The following CCNYL1 variants were observed in gnomAD, a reference collection of about 807,000 sequenced individuals.
CCNYL1 encodes cyclin Y like 1.
In CCNYL1, 16 loss-of-function variants were observed where a neutral mutation model predicts 44.2. The ratio of observed to expected loss-of-function variants is 0.36; its 90% CI spans 0.25 to 0.55. The LOEUF (loss-of-function observed/expected upper bound fraction) is 0.55, where lower values mean the gene tolerates loss of function less well. Among genes scored for constraint, CCNYL1 ranks in the 20% least tolerant of loss-of-function variants. The pLI is 0.85. For missense variants in CCNYL1, 348 were observed against 451.8 expected (o/e 0.77, Z 2.08); for synonymous variants, 159 against 163.2 (o/e 0.97, Z 0.20).
At chr2:207,734,502 C>T (rs2091750645) in intron 4 of CCNYL1, among the ~76,000 whole-genome samples, 1 of 152,338 alleles carries the variant, frequency 6.6e-6, no homozygotes, top group Middle Eastern at 3.4e-3. Flanking sequence ...CCCTGTCGTG[C>T]ATGAGCACCT....
intron 8 of CCNYL1, among the ~76,000 whole-genome samples, chr2:207,748,037 A>G (rs1425456013): frequency 6.6e-6 from 1 of 152,042 alleles, no homozygotes; most frequent in Non-Finnish European, 1.5e-5. Context: ...GGGCCTCTGG[A>G]CTATTGAGAA....
chr2:207,716,141 C>G (rs1478409032), intron 1 of CCNYL1, among the ~76,000 whole-genome samples: 2 of 152,132 alleles, frequency 1.3e-5, no homozygotes, highest in Non-Finnish European at 2.9e-5. Flanking sequence ...TTTATTAGTA[C>G]TCTTGACTTT....
At chr2:207,736,779 A>G (rs1009931249) in intron 4 of CCNYL1, among the ~76,000 whole-genome samples, 6 of 152,254 alleles carry the variant, frequency 3.9e-5, no homozygotes, top group Non-Finnish European at 5.9e-5. Flanking sequence ...AAATAGTTTA[A>G]ATTTAAGCAT....
Position 207,754,930 on chromosome 2 carries a change from T to G in CCNYL1, c.*1232T>G, listed in dbSNP as rs2091920143. 6.6e-6 allele frequency: 1 copy of G among 152,110 alleles called. No individual in the cohort carries two copies. Among genetic ancestry groups the G allele is most frequent in the Non-Finnish European group, 1.5e-5 (1 of 68,024 alleles). 9.4% of individuals were successfully genotyped at this position (152,110 alleles called of 1,614,324 possible). A position where few individuals can be genotyped will look rare whatever the true frequency, so the allele number is the denominator to read the frequency against. On this transcript the variant is annotated 3_prime_UTR_variant, in exon 10 of 10. Coordinates refer to ENST00000295414, the MANE Select transcript of CCNYL1 (RefSeq NM_001330218.2). ...TGGGTGTGGTGGTGCACGCCTATAG[T>G]CCCAGCTACTTGGGAGGCTGAGGCT...
chr2:207,741,316 G>A (rs1296647208), intron 6 of CCNYL1, among the ~76,000 whole-genome samples: 2 of 151,974 alleles, frequency 1.3e-5, no homozygotes, highest in Admixed American at 6.6e-5. Flanking sequence ...TAAGACTTTC[G>A]AGCCTACAAG....
intron 3 of CCNYL1, among the ~76,000 whole-genome samples, chr2:207,731,582 A>G (rs1055963561): frequency 1.3e-5 from 2 of 152,122 alleles, no homozygotes; most frequent in Admixed American, 6.6e-5. Context: ...GTTGTAAGTC[A>G]GCTTTGGTAA....
intron 6 of CCNYL1, among the ~76,000 whole-genome samples, chr2:207,741,612 C>A (rs553049193): frequency 1.2e-4 from 19 of 152,136 alleles, no homozygotes; most frequent in African/African-American, 4.3e-4. Context: ...TTTGGGAGGC[C>A]GAGGTGGGCA....
intron 3 of CCNYL1, among the ~76,000 whole-genome samples, chr2:207,730,845 C>T (rs1327510909): frequency 6.6e-6 from 1 of 152,120 alleles, no homozygotes; most frequent in Non-Finnish European, 1.5e-5. Context: ...CTGTTGCCTG[C>T]TCCTGTGTAT....
chr2:207,735,934 T>C (rs1399189335), intron 4 of CCNYL1, among the ~76,000 whole-genome samples: 2 of 151,986 alleles, frequency 1.3e-5, no homozygotes, highest in Non-Finnish European at 2.9e-5. Context: ...TCATACCCGA[T>C]GCCAATTAAA....
rs147302428 is a variant in CCNYL1 at position 207,747,907 on chromosome 2, TTTCATTCA to T, written c.806+713_806+720del. 3.3e-5 allele frequency among the ~76,000 whole-genome samples: 5 copies of T among 152,210 alleles called. No individual in the cohort carries two copies. In the East Asian group the frequency reaches 9.6e-4, roughly 29 times the overall value. Reference sequence around the variant, plus strand: ...CTGCCAGTTCAAGCTCCTTTCTCTTTTTCATTCATTCATTCATTCATTCATTTATATCT... The same window carrying T: ...CTGCCAGTTCAAGCTCCTTTCTCTTTTTCATTCATTCATTCATTTATATCT... On this transcript the variant is annotated intron_variant, in intron 8 of 9. Transcript: ENST00000295414.
At chr2:207,753,498 C>G (rs2091909861) in intron 9 of CCNYL1, 90 bp from the exon 10 acceptor site, 1 of 822,192 alleles carries the variant, frequency 1.2e-6, no homozygotes, top group Non-Finnish European at 2.1e-6. Flanking sequence ...CTAAAGGAGT[C>G]CACATGTGTG....
At chr2:207,744,992 G>T (rs999070220) in intron 7 of CCNYL1, among the ~76,000 whole-genome samples, 1 of 152,192 alleles carries the variant, frequency 6.6e-6, no homozygotes, top group African/African-American at 2.4e-5. Flanking sequence ...TATTAGGGAA[G>T]ACTTGGGGAG....
At chr2:207,736,381 T>A (rs2091764777) in intron 4 of CCNYL1, among the ~76,000 whole-genome samples, 1 of 152,232 alleles carries the variant, frequency 6.6e-6, no homozygotes, top group African/African-American at 2.4e-5. Context: ...AGACAACTCC[T>A]TGTTTCCTGA....
Position 207,711,786 on chromosome 2 carries a change from G to T in CCNYL1, c.-111G>T, listed in dbSNP as rs1000652874. 5 of 678,488 alleles carry T rather than the reference G, an allele frequency of 7.4e-6. No individual in the cohort carries two copies. The highest frequency in any genetic ancestry group is 4.2e-5 in the South Asian group (1 of 23,948). The allele number at this position is 678,488 out of a possible 1,614,324, so 42.0% of individuals were successfully genotyped here. On this transcript the variant is annotated 5_prime_UTR_variant, in exon 1 of 10. Transcript: ENST00000295414. Reference sequence around the variant, plus strand: ...GCTTGCGCGGTGCAGCCCCAGCGTAGCCCGGGGCTGCCGGTGCCGGCCGCG... The same window carrying T: ...GCTTGCGCGGTGCAGCCCCAGCGTATCCCGGGGCTGCCGGTGCCGGCCGCG...
chr2:207,724,669 T>C, intron 1 of CCNYL1, 131 bp from the exon 2 acceptor site: 1 of 676,544 alleles, frequency 1.5e-6, no homozygotes, highest in Non-Finnish European at 2.6e-6. Flanking sequence ...ATTGTCTTTA[T>C]TTCCTTTATA....
intron 3 of CCNYL1, among the ~76,000 whole-genome samples, chr2:207,731,927 GGCCTCCCGA>G (rs2091731752): frequency 6.6e-6 from 1 of 150,770 alleles, no homozygotes. Flanking sequence ...CTCTTGCCTC[GGCCTCCCGA>G]GTAGTTGGGA....
At chr2:207,714,066 A>G (rs1575206177) in intron 1 of CCNYL1, among the ~76,000 whole-genome samples, 1 of 152,308 alleles carries the variant, frequency 6.6e-6, no homozygotes, top group Non-Finnish European at 1.5e-5. Flanking sequence ...TTGCTAATGA[A>G]GAAATAAAGA....
chr2:207,745,012 G>C (rs2091844221), intron 7 of CCNYL1, among the ~76,000 whole-genome samples: 1 of 152,122 alleles, frequency 6.6e-6, no homozygotes, highest in Non-Finnish European at 1.5e-5. Flanking sequence ...GTGGAGCAGT[G>C]GGATGAAGAG....
intron 3 of CCNYL1, among the ~76,000 whole-genome samples, chr2:207,728,647 C>G (rs934501681): frequency 6.6e-6 from 1 of 152,086 alleles, no homozygotes; most frequent in African/African-American, 2.4e-5. Flanking sequence ...AGACATTTCT[C>G]TATTATGTTC....
Sources: gnomAD v4.1 joint callset for allele counts (sites outside exome capture counted in the v4.1 genomes callset) on GRCh38, gnomAD v4.1.1 for gene constraint, MANE v1.5 for transcripts, NCBI Gene and HGNC (gene_info 2026-07-23, HGNC 2026-07-21) for gene names.